LATS1: variants seen among roughly 807,000 people sequenced by gnomAD.
LATS1 encodes large tumor suppressor kinase 1, also known as serine/threonine-protein kinase LATS1.
In LATS1, 25 loss-of-function variants were observed where a neutral mutation model predicts 106.6. The observed-to-expected ratio is 0.23, with a 90% CI of 0.17 to 0.33. LATS1 has a LOEUF of 0.33. Among genes scored for constraint, LATS1 ranks in the 10% least tolerant of loss-of-function variants. LATS1 has a pLI of 1.00. For missense variants in LATS1, 1,040 were observed against 1,382.6 expected (o/e 0.75, Z 3.93); for synonymous variants, 465 against 455.6 (o/e 1.02, Z -0.26).
In LATS1 at chr6:149,684,101, TTGG is replaced by T. The variant is rs1562334137; in HGVS notation, c.985_987del (p.Pro329del). The T allele has an allele frequency of 6.2e-7, 1 of 1,614,166 alleles. No homozygotes were observed. The highest frequency in any genetic ancestry group is 2.2e-5 in the East Asian group (1 of 44,882). ...AATTTGCTAGAACTCTGCATGATGA[TTGG>T]TTGTCTGCCAACAGGAACAGAACTA... is the stretch of plus-strand genomic sequence containing the variant. On this transcript the variant is annotated inframe_deletion, in exon 4 of 8. Coordinates refer to ENST00000543571, the MANE Select transcript of LATS1 (RefSeq NM_004690.4).
At chr6:149,689,011 T>C (rs1019549111) in intron 3 of LATS1, among the ~76,000 whole-genome samples, 1 of 151,976 alleles carries the variant, frequency 6.6e-6, no homozygotes, top group Non-Finnish European at 1.5e-5. Flanking sequence ...CTACTAAAAA[T>C]ACAAAAATTA....
At chr6:149,717,702 C>T (rs1784489795) in intron 1 of LATS1, 147 bp downstream of exon 1, 1 of 201,120 alleles carries the variant, frequency 5.0e-6, no homozygotes, top group African/African-American at 2.4e-5. Flanking sequence ...TGCAACCAGC[C>T]AAGTCAGGCC....
chr6:149,682,108 C>T (rs1332789466), intron 4 of LATS1, among the ~76,000 whole-genome samples: 2 of 116,382 alleles, frequency 1.7e-5, no homozygotes, highest in Non-Finnish European at 3.5e-5. Context: ...GAGATGTCGT[C>T]TCAAAAAAAA....
Position 149,701,851 on chromosome 6 carries a change from T to C in LATS1, c.276A>G (p.Thr92=), listed in dbSNP as rs546143121. 6.4e-5 allele frequency: 103 copies of C among 1,614,192 alleles called. No homozygotes were observed. In the South Asian group the frequency reaches 1.1e-3, roughly 17 times the overall value. The change falls in exon 2 of 8, where the codon ACA becomes ACG. Residue 92 remains threonine (T), a synonymous_variant. Coordinates refer to ENST00000543571, the MANE Select transcript of LATS1 (RefSeq NM_004690.4). The stretch of plus-strand genomic sequence containing the variant: ...CTTCTGAAGTACTCCGAGAAGAATT[T>C]GTTTCATTTGCAAATGGAAGCAGAG... The part of the protein sequence containing the change: ...RNSLLPFANE[T]NSSRSTSEVN...
At position 149,662,226 on chromosome 6, in the gene LATS1, G is replaced by C. The variant is rs780689724; in HGVS notation, c.2896C>G (p.Gln966Glu). 6.2e-7 allele frequency: 1 copy of C among 1,600,740 alleles called. No homozygotes were observed. The highest frequency in any genetic ancestry group is 1.7e-5 in the Admixed American group (1 of 57,972). ...TGTGGTGGAATGTGAAGAGATGTTTGCCAGTTGATAACCTTTAAAGATTTT... is the reference window on the plus strand; with the variant it reads ...TGTGGTGGAATGTGAAGAGATGTTTCCCAGTTGATAACCTTTAAAGATTTT... Reference protein sequence around the residue: ...LETQMKVINWQTSLHIPPQAK... With the variant: ...LETQMKVINWETSLHIPPQAK... The change falls in exon 8 of 8, where the codon CAA (glutamine) becomes GAA (glutamate). Residue 966 changes from glutamine to glutamate, a missense_variant. Gln to Glu is a conservative substitution (Grantham distance 29). Transcript: ENST00000543571.
At chr6:149,686,333 G>A (rs1030160443) in intron 3 of LATS1, among the ~76,000 whole-genome samples, 1 of 152,146 alleles carries the variant, frequency 6.6e-6, no homozygotes, top group Non-Finnish European at 1.5e-5. Context: ...TGGCCATCAG[G>A]CTCTTTCTCA....
In LATS1 at chr6:149,680,038, T is replaced by A. The variant is rs747483973; in HGVS notation, c.2430A>T (p.Ala810=). 1.9e-6 allele frequency: 3 copies of A among 1,614,112 alleles called. No individual in the cohort carries two copies. In the South Asian group the frequency reaches 3.3e-5, roughly 18 times the overall value. The change falls in exon 5 of 8, where the codon GCA becomes GCT. Residue 810 remains alanine, a synonymous_variant. Coordinates refer to ENST00000543571, the MANE Select transcript of LATS1 (RefSeq NM_004690.4). ...FPESLARFYI[A]ELTCAVESVH... is the part of the protein sequence containing the mutation. ...CACTTTCAACTGCACAGGTAAGTTCTGCTATGTAGAATCGTGCCAGACTTT... is the reference window on the plus strand; with the variant it reads ...CACTTTCAACTGCACAGGTAAGTTCAGCTATGTAGAATCGTGCCAGACTTT...
intron 3 of LATS1, among the ~76,000 whole-genome samples, chr6:149,690,457 C>T (rs1167199291): frequency 6.6e-6 from 1 of 152,040 alleles, no homozygotes; most frequent in Non-Finnish European, 1.5e-5. Context: ...AGGTGATCCA[C>T]CCGCCCCAGC....
At chr6:149,713,543 G>A (rs1156423385) in intron 1 of LATS1, among the ~76,000 whole-genome samples, 5 of 152,070 alleles carry the variant, frequency 3.3e-5, no homozygotes, top group African/African-American at 7.2e-5. Flanking sequence ...TGATCCACCC[G>A]CCTTGGCCTC....
Position 149,683,456 on chromosome 6 carries a change from G to T in LATS1, c.1633C>A (p.Pro545Thr). Reference protein sequence around the residue: ...GTASNVTVMPPVAEAPNYQGP... With the variant: ...GTASNVTVMPTVAEAPNYQGP... ...TGATAGTTTGGAGCTTCAGCAACAG[G>T]TGGCATCACAGTCACATTTGAAGCG... is the stretch of plus-strand genomic sequence containing the variant. Residue 545 changes from proline (P) to threonine (T), a missense_variant, in exon 4 of 8, where the codon CCT becomes ACT. This residue lies in a region of LATS1 where 624 missense variants were observed against 714.8 expected (regional missense o/e 0.87). Transcript: ENST00000543571. 3.1e-6 allele frequency: 5 copies of T among 1,614,228 alleles called. No homozygotes were observed. Among genetic ancestry groups the T allele is most frequent in the Non-Finnish European group, 4.2e-6 (5 of 1,180,050 alleles).
chr6:149,689,262 AG>A (rs901300150), intron 3 of LATS1, among the ~76,000 whole-genome samples: 6 of 152,080 alleles, frequency 3.9e-5, no homozygotes, highest in African/African-American at 1.4e-4. Context: ...CAGTAAATGA[AG>A]GGGGAAAGTG....
At chr6:149,674,593 C>T (rs1781611159) in intron 7 of LATS1, among the ~76,000 whole-genome samples, 1 of 147,096 alleles carries the variant, frequency 6.8e-6, no homozygotes, top group Non-Finnish European at 1.5e-5. Context: ...AGGCTGGTCT[C>T]AAACTCCTGG....
chr6:149,688,459 C>T (rs4870388), intron 3 of LATS1, among the ~76,000 whole-genome samples: 68,098 of 151,636 alleles, frequency 0.45, 16,389 homozygotes, highest in East Asian at 0.81. Context: ...CAGGCGCCCA[C>T]CACCACGCCT....
intron 3 of LATS1, among the ~76,000 whole-genome samples, chr6:149,687,462 T>G (rs897600814): frequency 1.3e-5 from 2 of 150,476 alleles, no homozygotes; most frequent in Non-Finnish European, 3.0e-5. Context: ...GAGACAGTCT[T>G]GATGTCACCC....
intron 7 of LATS1, among the ~76,000 whole-genome samples, chr6:149,669,631 T>C (rs1308425930): frequency 6.6e-6 from 1 of 151,724 alleles, no homozygotes; most frequent in Non-Finnish European, 1.5e-5. Flanking sequence ...CGTGATGGCA[T>C]GTGCCTGTAA....
chr6:149,709,668 CTTTTTTT>C (rs142425039), intron 1 of LATS1, among the ~76,000 whole-genome samples: 5 of 75,500 alleles, frequency 6.6e-5, no homozygotes, highest in Middle Eastern at 9.1e-3. Context: ...AACCCCTTAT[CTTTTTTT>C]TTTTTTTTTT....
intron 3 of LATS1, among the ~76,000 whole-genome samples, chr6:149,685,713 A>G (rs977872608): frequency 6.6e-6 from 1 of 152,152 alleles, no homozygotes; most frequent in Non-Finnish European, 1.5e-5. Flanking sequence ...AAACAGAAAA[A>G]GATAGTAGGC....
chr6:149,678,178 A>C (rs1368837023), intron 5 of LATS1, among the ~76,000 whole-genome samples: 15 of 146,778 alleles, frequency 1.0e-4, no homozygotes, highest in East Asian at 6.0e-4. Flanking sequence ...AAAAAAAAAA[A>C]AAAAAAAAAA....
chr6:149,684,108 T>C lies in LATS1; in HGVS notation c.981A>G (p.Arg327=), dbSNP rs759769341. The change falls in exon 4 of 8, where the codon AGA becomes AGG. Residue 327 remains arginine (R), a synonymous_variant. Transcript: ENST00000543571. The part of the protein sequence containing the change: ...QRGISSVPVG[R]QPIIMQSSSK... ...TAGAACTCTGCATGATGATTGGTTG[T>C]CTGCCAACAGGAACAGAACTAATGC... 4 of 1,614,092 alleles carry C rather than the reference T, an allele frequency of 2.5e-6. No homozygotes were observed. The African/African-American group carries it at 4.0e-5, about 16-fold the overall frequency.
Sources: allele counts gnomAD v4.1 joint callset (sites outside exome capture counted in the v4.1 genomes callset), GRCh38; gene constraint gnomAD v4.1.1; regional missense constraint gnomAD v4.1.1; transcripts MANE v1.5; gene names NCBI Gene and HGNC (gene_info 2026-07-23, HGNC 2026-07-21).